The following PRKG1 variants were observed in gnomAD, a reference collection of about 807,000 sequenced individuals.
PRKG1 encodes cGMP-dependent protein kinase 1.
A neutral mutation model predicts 88.1 loss-of-function variants in PRKG1; 35 were observed. The ratio of observed to expected loss-of-function variants is 0.40; its 90% CI spans 0.30 to 0.53. The LOEUF is 0.53. Ranked by LOEUF, PRKG1 falls within the 20% of genes least tolerant of loss-of-function variation. The probability of loss-of-function intolerance (pLI) is 0.59; values close to 1 mark genes in which losing one functional copy is unlikely to be tolerated. For synonymous variants in PRKG1, 303 were observed against 292.5 expected, an observed-to-expected ratio of 1.04 and a Z score of -0.37; for missense variants, 540 against 839.8, an observed-to-expected ratio of 0.64 and a Z score of 4.41.
At chr10:51,982,349 C>T (rs913951296) in intron 5 of PRKG1, among the ~76,000 whole-genome samples, 8 of 152,154 alleles carry the variant, frequency 5.3e-5, no homozygotes, top group South Asian at 2.1e-4. Flanking sequence ...CAACTTTTGC[C>T]GGAGGGGTAG....
At chr10:52,111,699 A>C (rs571151072) in intron 7 of PRKG1, among the ~76,000 whole-genome samples, 15 of 152,246 alleles carry the variant, frequency 9.9e-5, no homozygotes, top group Admixed American at 3.9e-4. Flanking sequence ...TTTCCTGGAG[A>C]CACTTTGTGC....
At chr10:51,963,082 T>G (rs1335630090) in intron 5 of PRKG1, among the ~76,000 whole-genome samples, 1 of 152,070 alleles carries the variant, frequency 6.6e-6, no homozygotes, top group African/African-American at 2.4e-5. Flanking sequence ...CAAACTTTTT[T>G]TTTGCAATGA....
At chr10:51,126,961 T>C (rs1170803440) in intron 1 of PRKG1, among the ~76,000 whole-genome samples, 2 of 152,070 alleles carry the variant, frequency 1.3e-5, no homozygotes, top group African/African-American at 4.8e-5. Context: ...AAAAATTAAC[T>C]CAAGATTGAT....
chr10:52,145,793 G>T (rs1837713860), intron 8 of PRKG1, among the ~76,000 whole-genome samples: 1 of 152,106 alleles, frequency 6.6e-6, no homozygotes. Context: ...TTTTCAATAT[G>T]TCTAGCAGTT....
At chr10:52,222,714 A>G (rs1840277227) in intron 9 of PRKG1, among the ~76,000 whole-genome samples, 1 of 152,218 alleles carries the variant, frequency 6.6e-6, no homozygotes, top group African/African-American at 2.4e-5. Flanking sequence ...TTCTTGTAAC[A>G]ATTAAATGAC....
intron 3 of PRKG1, among the ~76,000 whole-genome samples, chr10:51,724,233 A>G (rs1842079691): frequency 6.6e-6 from 1 of 152,222 alleles, no homozygotes; most frequent in Non-Finnish European, 1.5e-5. Context: ...ACCTTTTGTC[A>G]TAGGATAAAA....
intron 5 of PRKG1, among the ~76,000 whole-genome samples, chr10:51,960,129 T>G (rs1239976331): frequency 1.3e-5 from 2 of 151,834 alleles, no homozygotes; most frequent in Non-Finnish European, 2.9e-5. Flanking sequence ...TTCCTTTTTT[T>G]TTTTTTAAGC....
chr10:51,386,547 G>A (rs759561433), intron 2 of PRKG1, among the ~76,000 whole-genome samples: 1 of 152,126 alleles, frequency 6.6e-6, no homozygotes, highest in African/African-American at 2.4e-5. Flanking sequence ...AGCTTAAGCA[G>A]TCAAGCAGGA....
chr10:51,789,244 T>C (rs1838806167), intron 3 of PRKG1, among the ~76,000 whole-genome samples: 1 of 152,340 alleles, frequency 6.6e-6, no homozygotes, highest in African/African-American at 2.4e-5. Context: ...TGCAATGACA[T>C]TTACCAAACA....
At chr10:52,150,339 A>T (rs1012607515) in intron 8 of PRKG1, among the ~76,000 whole-genome samples, 24 of 152,114 alleles carry the variant, frequency 1.6e-4, no homozygotes, top group Middle Eastern at 3.4e-3. Context: ...TGTTGGAAAC[A>T]GGTTGCCTTG....
intron 3 of PRKG1, among the ~76,000 whole-genome samples, chr10:51,624,891 T>C (rs538721923): frequency 7.9e-5 from 12 of 152,294 alleles, no homozygotes; most frequent in Non-Finnish European, 1.5e-4. Flanking sequence ...AGAATACTGG[T>C]TATCAGAGGC....
intron 1 of PRKG1, among the ~76,000 whole-genome samples, chr10:51,143,330 G>A (rs1445568634): frequency 6.6e-6 from 1 of 152,038 alleles, no homozygotes; most frequent in Non-Finnish European, 1.5e-5. Flanking sequence ...TTTTATGGTT[G>A]AGTAATATTC....
At chr10:51,303,603 C>T (rs2132244601) in intron 2 of PRKG1, among the ~76,000 whole-genome samples, 1 of 151,974 alleles carries the variant, frequency 6.6e-6, no homozygotes, top group African/African-American at 2.4e-5. Context: ...CATGATGGAT[C>T]TTATTTGCTT....
chr10:51,359,459 C>CGTGTGT (rs145482737), intron 2 of PRKG1, among the ~76,000 whole-genome samples: 1 of 130,762 alleles, frequency 7.6e-6, no homozygotes, highest in Non-Finnish European at 1.8e-5. Context: ...TGTGTGTGTG[C>CGTGTGT]GTGTGTGTGT....
chr10:51,805,724 T>C (rs1056593728), intron 4 of PRKG1, among the ~76,000 whole-genome samples: 1 of 152,082 alleles, frequency 6.6e-6, no homozygotes, highest in African/African-American at 2.4e-5. Flanking sequence ...TGATATTCCT[T>C]ACTTGGATAT....
chr10:51,279,249 A>G (rs1348318971), intron 2 of PRKG1, among the ~76,000 whole-genome samples: 1 of 152,088 alleles, frequency 6.6e-6, no homozygotes, highest in African/African-American at 2.4e-5. Context: ...TTCAGTTTCC[A>G]TGTAGTTGAG....
intron 3 of PRKG1, among the ~76,000 whole-genome samples, chr10:51,532,488 T>C (rs1286455705): frequency 6.6e-6 from 1 of 152,202 alleles, no homozygotes; most frequent in Non-Finnish European, 1.5e-5. Context: ...TACTGTATCA[T>C]TTTACATTAT....
At chr10:51,740,970 TTC>T (rs1374261352) in intron 3 of PRKG1, among the ~76,000 whole-genome samples, 2 of 151,854 alleles carry the variant, frequency 1.3e-5, no homozygotes, top group African/African-American at 4.8e-5. Flanking sequence ...TTTTTAAAGA[TTC>T]TTTCTCTTCC....
intron 1 of PRKG1, among the ~76,000 whole-genome samples, chr10:51,025,620 G>A (rs1843194578): frequency 6.6e-6 from 1 of 152,130 alleles, no homozygotes; most frequent in Admixed American, 6.6e-5. Context: ...TCTTGGATTG[G>A]CTGCAAGTTT....
Sources: allele counts gnomAD v4.1 joint callset (sites outside exome capture counted in the v4.1 genomes callset), GRCh38; gene constraint gnomAD v4.1.1; transcripts MANE v1.5; gene names NCBI Gene and HGNC (gene_info 2026-07-23, HGNC 2026-07-21).